SHISA9: variants seen among roughly 807,000 people sequenced by gnomAD.
SHISA9 encodes the protein protein shisa-9.
Under a neutral mutation model 38.0 loss-of-function variants are expected in SHISA9, and 13 were observed. That is an observed-to-expected ratio of 0.34 (90% CI 0.22 to 0.54). SHISA9 has a LOEUF of 0.54. Among genes scored for constraint, SHISA9 ranks in the 20% least tolerant of loss-of-function variants. SHISA9 has a pLI of 0.91. For synonymous variants in SHISA9, 275 were observed against 242.0 expected, an observed-to-expected ratio of 1.14 and a Z score of -1.27; for missense variants, 538 against 575.8, an observed-to-expected ratio of 0.93 and a Z score of 0.67.
At chr16:13,432,431 T>C in the SHISA9 span, among the ~76,000 whole-genome samples, 48 of 152,316 alleles carry the variant, frequency 3.2e-4, no homozygotes, top group Non-Finnish European at 5.6e-4. Flanking sequence ...TGGAGGCCAA[T>C]GAGCTGTGAA....
chr16:13,101,014 A>G (rs2073873898), intron 2 of SHISA9, among the ~76,000 whole-genome samples: 1 of 152,112 alleles, frequency 6.6e-6, no homozygotes, highest in Non-Finnish European at 1.5e-5. Context: ...GCTATTTTAG[A>G]TTCCATATCT....
the SHISA9 span, among the ~76,000 whole-genome samples, chr16:13,265,573 C>A: frequency 8.9e-6 from 1 of 112,444 alleles, no homozygotes; most frequent in Non-Finnish European, 1.9e-5. Context: ...CCTACCTTCA[C>A]CCCCTCCTCT....
At chr16:12,971,716 A>C (rs1051756949) in intron 2 of SHISA9, among the ~76,000 whole-genome samples, 16 of 152,260 alleles carry the variant, frequency 1.1e-4, no homozygotes, top group African/African-American at 3.9e-4. Flanking sequence ...TGCCATCATC[A>C]TTGTTGTAGG....
chr16:13,241,660 A>T (rs1168391829), downstream of SHISA9, among the ~76,000 whole-genome samples: 1 of 152,206 alleles, frequency 6.6e-6, no homozygotes, highest in African/African-American at 2.4e-5. Context: ...TCCCTGGGGA[A>T]TGAAACTTCC....
chr16:13,036,838 T>C (rs1199585658), intron 2 of SHISA9, among the ~76,000 whole-genome samples: 1 of 151,780 alleles, frequency 6.6e-6, no homozygotes, highest in Admixed American at 6.6e-5. Flanking sequence ...AGCACAAATC[T>C]GGCAACAGTA....
In SHISA9 at chr16:13,009,831, G is replaced by A. The variant is rs141348805; in HGVS notation, c.691+93016G>A. Among the ~76,000 whole-genome samples, 38 of 152,280 alleles carry A rather than the reference G, an allele frequency of 2.5e-4. 1 individual carries two copies. The East Asian group carries it at 4.8e-3, about 19-fold the overall frequency. ...AGGAGGCAATTCCCAGCTACAGCCC[G>A]TCATGGCCTGGTGGGAGTGGGGGCT... is the stretch of plus-strand genomic sequence containing the variant. On this transcript the variant is annotated intron_variant, in intron 2 of 4. Coordinates refer to ENST00000558583, the MANE Select transcript of SHISA9 (RefSeq NM_001145204.3).
chr16:13,377,815 G>T, the SHISA9 span, among the ~76,000 whole-genome samples: 2 of 152,112 alleles, frequency 1.3e-5, no homozygotes, highest in African/African-American at 4.8e-5. Context: ...ATCACTTGAG[G>T]TCAGGAGTTC....
chr16:13,475,561 G>A, the SHISA9 span, among the ~76,000 whole-genome samples: 65 of 152,174 alleles, frequency 4.3e-4, no homozygotes, highest in Middle Eastern at 3.4e-3. Context: ...TAGACCAATA[G>A]TCCCCAACCT....
At chr16:12,945,580 A>T (rs2071677392) in intron 2 of SHISA9, among the ~76,000 whole-genome samples, 1 of 152,214 alleles carries the variant, frequency 6.6e-6, no homozygotes, top group Admixed American at 6.5e-5. Context: ...AATTGTTACA[A>T]GAACAAGTTC....
chr16:13,333,612 A>G, the SHISA9 span, among the ~76,000 whole-genome samples: 2 of 152,218 alleles, frequency 1.3e-5, no homozygotes, highest in East Asian at 1.9e-4. Context: ...TAAATTGTCT[A>G]ACTTTGCAGA....
At chr16:13,433,083 T>C in the SHISA9 span, among the ~76,000 whole-genome samples, 1 of 148,584 alleles carries the variant, frequency 6.7e-6, no homozygotes, top group Admixed American at 6.9e-5. Flanking sequence ...TTTTAAAAAA[T>C]GCTATATTAA....
At chr16:13,198,222 A>G (rs913468910) in intron 2 of SHISA9, among the ~76,000 whole-genome samples, 2 of 147,482 alleles carry the variant, frequency 1.4e-5, no homozygotes. Context: ...ATGCATACAT[A>G]TATACTTGTG....
intron 2 of SHISA9, among the ~76,000 whole-genome samples, chr16:12,920,913 A>G (rs2071319684): frequency 1.3e-5 from 2 of 152,328 alleles, no homozygotes; most frequent in South Asian, 4.1e-4. Flanking sequence ...GTTGTGCAGT[A>G]TTGCATAATG....
intron 2 of SHISA9, among the ~76,000 whole-genome samples, chr16:13,053,185 A>G (rs1483782899): frequency 2.0e-5 from 3 of 151,802 alleles, no homozygotes; most frequent in Middle Eastern, 3.4e-3. Context: ...CTGGTCTCGA[A>G]CTTCTGACCT....
chr16:13,053,114 C>T (rs965731511), intron 2 of SHISA9, among the ~76,000 whole-genome samples: 5 of 152,008 alleles, frequency 3.3e-5, no homozygotes, highest in African/African-American at 1.2e-4. Flanking sequence ...CAGGTGTCTG[C>T]TACCACACTG....
the SHISA9 span, among the ~76,000 whole-genome samples, chr16:13,515,687 T>C: frequency 6.6e-6 from 1 of 151,506 alleles, no homozygotes; most frequent in East Asian, 1.9e-4. Context: ...ATTTTAAATC[T>C]TCTTCCCTGT....
chr16:13,455,445 T>C, the SHISA9 span, among the ~76,000 whole-genome samples: 5 of 152,064 alleles, frequency 3.3e-5, no homozygotes, highest in Non-Finnish European at 7.4e-5. Context: ...TAGAAACCAG[T>C]AAAAAGGAGT....
At chr16:13,393,190 T>G in the SHISA9 span, among the ~76,000 whole-genome samples, 1 of 152,210 alleles carries the variant, frequency 6.6e-6, no homozygotes, top group Non-Finnish European at 1.5e-5. Context: ...GTATCCACTG[T>G]TGGGGGATTG....
At chr16:13,517,175 A>G in the SHISA9 span, among the ~76,000 whole-genome samples, 1 of 152,304 alleles carries the variant, frequency 6.6e-6, no homozygotes, top group East Asian at 1.9e-4. Context: ...AGAAAAAAGC[A>G]GAGAGTGGAG....
Sources: allele counts gnomAD v4.1 joint callset (sites outside exome capture counted in the v4.1 genomes callset), GRCh38; gene constraint gnomAD v4.1.1; transcripts MANE v1.5; gene names NCBI Gene and HGNC (gene_info 2026-07-23, HGNC 2026-07-21).